The following ADAMTS9 variants were observed in gnomAD, a reference collection of about 807,000 sequenced individuals.
The protein encoded by ADAMTS9 is A disintegrin and metalloproteinase with thrombospondin motifs 9.
Under a neutral mutation model 257.1 loss-of-function variants are expected in ADAMTS9, and 107 were observed. That is an observed-to-expected ratio of 0.42 (90% confidence interval 0.36 to 0.49). The LOEUF (loss-of-function observed/expected upper bound fraction) is 0.49, where lower values mean the gene tolerates loss of function less well. Ranked by LOEUF, ADAMTS9 falls within the 20% of genes least tolerant of loss-of-function variation. The pLI, the probability that ADAMTS9 is intolerant of heterozygous loss-of-function variation, is 0.03. For synonymous variants in ADAMTS9, 982 were observed against 880.9 expected, an observed-to-expected ratio of 1.11 and a Z score of -2.03; for missense variants, 2,353 against 2,469.1, an observed-to-expected ratio of 0.95 and a Z score of 1.00.
At chr3:64,606,810 T>A in intron 23 of ADAMTS9, 150 bp downstream of exon 23, 1 of 919,080 alleles carries the variant, frequency 1.1e-6, no homozygotes, top group African/African-American at 1.7e-5. Flanking sequence ...ATTATAAATG[T>A]AACATACAGG....
At chr3:64,568,722 T>G (rs949885619) in intron 28 of ADAMTS9, 187 bp from the exon 29 acceptor site, 2 of 613,880 alleles carry the variant, frequency 3.3e-6, no homozygotes, top group Admixed American at 3.6e-5. Context: ...AAAAAAAATG[T>G]CCACAGCATT....
chr3:64,596,209 T>G (rs2084361369), intron 27 of ADAMTS9, among the ~76,000 whole-genome samples: 1 of 152,126 alleles, frequency 6.6e-6, no homozygotes, highest in South Asian at 2.1e-4. Flanking sequence ...TTTGCCAAGG[T>G]CACAAAACTT....
Position 64,687,602 on chromosome 3 carries a change from T to C in ADAMTS9, c.56A>G (p.Glu19Gly). Residue 19 changes from glutamate to glycine, a missense_variant, in exon 1 of 40, where the codon GAG becomes GGG. Physicochemically the swap from Glu to Gly is moderately conservative, Grantham distance 98 (BLOSUM62 -2). Coordinates refer to ENST00000498707, the MANE Select transcript of ADAMTS9 (RefSeq NM_182920.2). The surrounding 1 kb of genome is among the most constrained non-coding windows in gnomAD (Gnocchi z 4.4). ...LLTLLVRDLA[E>G]MGSPDAAAAV... ...CGCCGCGGCGTCTGGGCTCCCCATCTCGGCCAGGTCCCGCACCAGGAGCGT... is the reference window on the plus strand; with the variant it reads ...CGCCGCGGCGTCTGGGCTCCCCATCCCGGCCAGGTCCCGCACCAGGAGCGT... 1 of 1,585,032 alleles carries C rather than the reference T, an allele frequency of 6.3e-7. No homozygotes were observed. Among genetic ancestry groups the C allele is most frequent in the Non-Finnish European group, 8.6e-7 (1 of 1,167,094 alleles).
At chr3:64,545,175 T>C (rs1349912159) in intron 32 of ADAMTS9, among the ~76,000 whole-genome samples, 1 of 152,170 alleles carries the variant, frequency 6.6e-6, no homozygotes, top group East Asian at 1.9e-4. Flanking sequence ...GTAAACTAGT[T>C]CAACCATTGT....
At chr3:64,667,485 C>A (rs187353735) in intron 3 of ADAMTS9, among the ~76,000 whole-genome samples, 3 of 152,168 alleles carry the variant, frequency 2.0e-5, no homozygotes, top group Admixed American at 1.3e-4. Context: ...GAAGGGCGTG[C>A]GAGTGGAAGG....
chr3:64,633,275 C>A lies in ADAMTS9; in HGVS notation c.2175+197G>T, dbSNP rs143004620. 2.6e-3 allele frequency among the ~76,000 whole-genome samples: 396 copies of A among 152,210 alleles called. 2 individuals carry two copies. Among genetic ancestry groups the A allele is most frequent in the African/African-American group, 9.2e-3 (382 of 41,532 alleles). Reference sequence around the variant, plus strand: ...AAATGTCAAGAAAAATCCAGGGCAACGGCTCCCAAACTTTGGCACTACACG... The same window carrying A: ...AAATGTCAAGAAAAATCCAGGGCAAAGGCTCCCAAACTTTGGCACTACACG... On this transcript the variant is annotated intron_variant, in intron 14 of 39. Coordinates refer to ENST00000498707, the MANE Select transcript of ADAMTS9 (RefSeq NM_182920.2).
chr3:64,648,686 T>C (rs980981931), intron 10 of ADAMTS9, among the ~76,000 whole-genome samples: 2 of 152,212 alleles, frequency 1.3e-5, no homozygotes, highest in Non-Finnish European at 2.9e-5. Flanking sequence ...TAGCTTTTTC[T>C]CCCCTTTTAG....
At chr3:64,581,049 C>T (rs767181250) in intron 28 of ADAMTS9, among the ~76,000 whole-genome samples, 13 of 152,180 alleles carry the variant, frequency 8.5e-5, no homozygotes, top group Non-Finnish European at 1.8e-4. Flanking sequence ...GCACGATAGA[C>T]ATCATAAGAC....
chr3:64,649,137 C>T (rs1458682922), intron 10 of ADAMTS9, among the ~76,000 whole-genome samples: 2 of 152,158 alleles, frequency 1.3e-5, no homozygotes, highest in East Asian at 3.9e-4. Flanking sequence ...ACAGCCACCC[C>T]AGCTGAGGCC....
At chr3:64,639,293 GTT>G (rs753448050) in intron 12 of ADAMTS9, among the ~76,000 whole-genome samples, 6 of 56,952 alleles carry the variant, frequency 1.1e-4, no homozygotes, top group East Asian at 5.1e-4. Context: ...TAGGTGGATT[GTT>G]TTTTTTTTTT....
rs541818487 is a variant in ADAMTS9, at chr3:64,671,920, A to G, written c.679+9281T>C. On this transcript the variant is annotated intron_variant, in intron 3 of 39. Transcript: ENST00000498707. Reference sequence around the variant, plus strand: ...ATCATAAAGAAACCATCTTTGGCAGATACAAAGGTGCAAATGTTAAACCTC... The same window carrying G: ...ATCATAAAGAAACCATCTTTGGCAGGTACAAAGGTGCAAATGTTAAACCTC... Among the ~76,000 whole-genome samples, 190 of 152,378 alleles carry G rather than the reference A, an allele frequency of 1.2e-3. 1 individual carries two copies. Among genetic ancestry groups the G allele is most frequent in the African/African-American group, 4.1e-3 (170 of 41,592 alleles).
At chr3:64,646,257 T>A (rs1260921038) in intron 11 of ADAMTS9, among the ~76,000 whole-genome samples, 1 of 152,200 alleles carries the variant, frequency 6.6e-6, no homozygotes, top group Non-Finnish European at 1.5e-5. Context: ...GGTATCATGT[T>A]TATTGTCATC....
chr3:64,674,633 G>A (rs1291134852), intron 3 of ADAMTS9, among the ~76,000 whole-genome samples: 1 of 152,206 alleles, frequency 6.6e-6, no homozygotes, highest in African/African-American at 2.4e-5. Context: ...AAAGTGTGTG[G>A]TGAAAGTGCA....
At chr3:64,599,702 G>C (rs2084423480) in intron 26 of ADAMTS9, among the ~76,000 whole-genome samples, 1 of 152,196 alleles carries the variant, frequency 6.6e-6, no homozygotes, top group Admixed American at 6.5e-5. Flanking sequence ...ACTCTCTAAA[G>C]AAATTATCCC....
At chr3:64,524,945 T>A (rs1213741854) in intron 38 of ADAMTS9, among the ~76,000 whole-genome samples, 2 of 152,240 alleles carry the variant, frequency 1.3e-5, no homozygotes, top group East Asian at 3.9e-4. Context: ...CTGTGCATAC[T>A]GTACCACCTC....
rs1446432379 is a variant in ADAMTS9 at position 64,543,306 on chromosome 3, C to T, written c.5065-1336G>A. Among the ~76,000 whole-genome samples the T allele has an allele frequency of 1.6e-4, 24 of 152,224 alleles. No homozygotes were observed. The East Asian group carries it at 4.6e-3, about 29-fold the overall frequency. On this transcript the variant is annotated intron_variant, in intron 32 of 39. Transcript: ENST00000498707. ...TTCTGATACCAAAGCCTGGCAGAGACACAACAAAAAAAGAGAATTTTAGAC... is the reference window on the plus strand; with the variant it reads ...TTCTGATACCAAAGCCTGGCAGAGATACAACAAAAAAAGAGAATTTTAGAC...
At chr3:64,522,037 T>G (rs1395248560) in intron 39 of ADAMTS9, 129 bp downstream of exon 39, 1 of 699,610 alleles carries the variant, frequency 1.4e-6, no homozygotes, top group Non-Finnish European at 2.4e-6. Context: ...GATAAAAAGG[T>G]AGAACTGTAT....
intron 18 of ADAMTS9, among the ~76,000 whole-genome samples, chr3:64,621,810 G>GA (rs961170615): frequency 2.7e-5 from 4 of 149,964 alleles, no homozygotes; most frequent in Non-Finnish European, 5.9e-5. Flanking sequence ...AAAAGAAAAA[G>GA]AAAAAAAAGG....
intron 37 of ADAMTS9, among the ~76,000 whole-genome samples, chr3:64,535,829 C>T (rs12496974): frequency 0.041 from 6,288 of 152,060 alleles, 709 homozygotes; most frequent in Admixed American, 0.25. Flanking sequence ...AGGCATGACC[C>T]ACCGCACCTG....
Sources: allele counts gnomAD v4.1 joint callset (sites outside exome capture counted in the v4.1 genomes callset), GRCh38; gene constraint gnomAD v4.1.1; non-coding constraint Gnocchi (gnomAD v3.1); transcripts MANE v1.5; gene names NCBI Gene and HGNC (gene_info 2026-07-23, HGNC 2026-07-21).